ARHGAP6: variants seen among roughly 807,000 people sequenced by gnomAD.
ARHGAP6 encodes Rho GTPase activating protein 6, also known as rho GTPase-activating protein 6.
Under a neutral mutation model 55.7 loss-of-function variants are expected in ARHGAP6, and 16 were observed. The ratio of observed to expected loss-of-function variants is 0.29; its 90% CI spans 0.19 to 0.44. The LOEUF is 0.44. Ranked by LOEUF, ARHGAP6 falls within the 20% of genes least tolerant of loss-of-function variation. The pLI is 1.00. For synonymous variants in ARHGAP6, 382 were observed against 360.9 expected, an observed-to-expected ratio of 1.06 and a Z score of -0.66; for missense variants, 698 against 808.9, an observed-to-expected ratio of 0.86 and a Z score of 1.66.
rs1283641195 is a variant in ARHGAP6, at chrX:11,169,679, A to G, written c.1635T>C (p.Thr545=). The G allele has an allele frequency of 8.4e-7, 1 of 1,191,817 alleles. No homozygotes were observed. The highest frequency in any genetic ancestry group is 3.0e-5 in the East Asian group (1 of 33,157). ...AGTTTAGAGATGTCATTTTATTCCC[A>G]GTGACCTATAAGAGAACAGAACACA... ...DNISKDGQEV[T]GNKMTSLNLA... The change falls in exon 9 of 13, where the codon ACT becomes ACC. Residue 545 remains threonine, a synonymous_variant. Transcript: ENST00000337414.
chrX:11,644,516 G>C (rs1352333785), intron 1 of ARHGAP6, among the ~76,000 whole-genome samples: 2 of 110,675 alleles, frequency 1.8e-5, no homozygotes, highest in Non-Finnish European at 3.8e-5. Flanking sequence ...TAAAAAATGG[G>C]CAAAGGTCTT....
chrX:11,560,975 CA>C (rs2051378687), intron 1 of ARHGAP6, among the ~76,000 whole-genome samples: 1 of 111,884 alleles, frequency 8.9e-6, no homozygotes, highest in Non-Finnish European at 1.9e-5. Context: ...ACATCTAGGG[CA>C]GGGGCCACAC....
chrX:11,287,493 C>T (rs975482796), intron 1 of ARHGAP6, among the ~76,000 whole-genome samples: 2 of 111,747 alleles, frequency 1.8e-5, no homozygotes, highest in African/African-American at 3.3e-5. Flanking sequence ...AGCTTCCAGA[C>T]GAACTTTCTT....
At chrX:11,579,029 G>A (rs1018968923) in intron 1 of ARHGAP6, among the ~76,000 whole-genome samples, 3 of 100,367 alleles carry the variant, frequency 3.0e-5, no homozygotes, top group Non-Finnish European at 4.0e-5. Flanking sequence ...GGGGCCTGTC[G>A]TGGGGTGGGG....
At chrX:11,507,972 C>T (rs1439673275) in intron 1 of ARHGAP6, among the ~76,000 whole-genome samples, 1 of 111,501 alleles carries the variant, frequency 9.0e-6, no homozygotes, top group African/African-American at 3.3e-5. Context: ...TGCTGAAAGT[C>T]AAAACACCCT....
intron 1 of ARHGAP6, among the ~76,000 whole-genome samples, chrX:11,406,513 A>AAC (rs2049610908): frequency 9.0e-6 from 1 of 111,353 alleles, no homozygotes; most frequent in South Asian, 3.8e-4. Flanking sequence ...ACACAATGTA[A>AAC]ACACACACAC....
chrX:11,249,531 G>A (rs956390075), intron 2 of ARHGAP6, among the ~76,000 whole-genome samples: 6 of 110,929 alleles, frequency 5.4e-5, no homozygotes, highest in Non-Finnish European at 1.1e-4. Context: ...GTTTCCCCAC[G>A]AAGTGTATCA....
chrX:11,195,959 C>CAAAAAAAAAAAAAA (rs1024986729), intron 3 of ARHGAP6, among the ~76,000 whole-genome samples: 1 of 8,414 alleles, frequency 1.2e-4, no homozygotes, highest in Non-Finnish European at 2.5e-4. Context: ...ACTAAAAATA[C>CAAAAAAAAAAAAAA]AAAAAAAAAA....
intron 1 of ARHGAP6, among the ~76,000 whole-genome samples, chrX:11,390,149 A>G (rs2049384625): frequency 8.9e-6 from 1 of 112,007 alleles, no homozygotes; most frequent in Non-Finnish European, 1.9e-5. Context: ...ACATATGGCT[A>G]GCCAATTTTC....
chrX:11,501,962 G>A (rs1486566239), intron 1 of ARHGAP6, among the ~76,000 whole-genome samples: 1 of 111,582 alleles, frequency 9.0e-6, no homozygotes, highest in African/African-American at 3.3e-5. Flanking sequence ...AACTGTGTGT[G>A]TGTGTGCACA....
chrX:11,211,157 T>G (rs2046788641), intron 2 of ARHGAP6, among the ~76,000 whole-genome samples: 1 of 111,523 alleles, frequency 9.0e-6, no homozygotes, highest in Non-Finnish European at 1.9e-5. Flanking sequence ...TTAAAAAATC[T>G]CGATGAATTA....
chrX:11,595,159 G>A (rs771601330), intron 1 of ARHGAP6, among the ~76,000 whole-genome samples: 23 of 110,733 alleles, frequency 2.1e-4, no homozygotes, highest in African/African-American at 6.6e-4. Context: ...GTATGGTGGC[G>A]TACGCCTATA....
intron 5 of ARHGAP6, among the ~76,000 whole-genome samples, chrX:11,183,108 A>G (rs1247726795): frequency 2.7e-5 from 3 of 111,437 alleles, no homozygotes; most frequent in African/African-American, 9.8e-5. Flanking sequence ...GGGACAAAAG[A>G]CTACAAATTG....
chrX:11,198,192 C>T (rs2046568019), intron 2 of ARHGAP6, among the ~76,000 whole-genome samples: 1 of 111,911 alleles, frequency 8.9e-6, no homozygotes, highest in Non-Finnish European at 1.9e-5. Flanking sequence ...TCAACAGGCA[C>T]ATTCAATCCT....
intron 1 of ARHGAP6, among the ~76,000 whole-genome samples, chrX:11,498,636 A>G (rs1569367672): frequency 9.0e-6 from 1 of 111,702 alleles, no homozygotes; most frequent in Non-Finnish European, 1.9e-5. Context: ...AGCCTCCTGA[A>G]CTTTGGTCTT....
chrX:11,317,620 T>C (rs1402353563), intron 1 of ARHGAP6, among the ~76,000 whole-genome samples: 1 of 111,843 alleles, frequency 8.9e-6, no homozygotes, highest in East Asian at 2.8e-4. Flanking sequence ...GCTTTTATTA[T>C]AAGCCAAGGG....
chrX:11,340,187 A>G (rs1016303834), intron 1 of ARHGAP6, among the ~76,000 whole-genome samples: 1 of 111,682 alleles, frequency 9.0e-6, no homozygotes, highest in Admixed American at 9.5e-5. Flanking sequence ...TCCTAATTCA[A>G]TGGCTTCTCA....
intron 1 of ARHGAP6, among the ~76,000 whole-genome samples, chrX:11,430,719 ATTCAAC>A (rs1245056443): frequency 8.9e-6 from 1 of 112,455 alleles, no homozygotes; most frequent in Non-Finnish European, 1.9e-5. Flanking sequence ...CTTGGTCATT[ATTCAAC>A]AAATATTATT....
At chrX:11,336,740 A>G (rs1470867371) in intron 1 of ARHGAP6, among the ~76,000 whole-genome samples, 1 of 111,755 alleles carries the variant, frequency 8.9e-6, no homozygotes, top group African/African-American at 3.3e-5. Flanking sequence ...GAGATTTGGG[A>G]AAGAATTTGG....
Sources: allele counts gnomAD v4.1 joint callset (sites outside exome capture counted in the v4.1 genomes callset), GRCh38; gene constraint gnomAD v4.1.1; transcripts MANE v1.5; gene names NCBI Gene and HGNC (gene_info 2026-07-23, HGNC 2026-07-21).